Variants in SMIM10L3 observed in about 807,000 individuals in gnomAD.
SMIM10L3 encodes small integral membrane protein 10 like 3, also known as salivary gland specific protein SAGSIN1.
At chr7:6,333,903 G>A in the SMIM10L3 span, among the ~76,000 whole-genome samples, 1 of 140,252 alleles carries the variant, frequency 7.1e-6, no homozygotes, top group African/African-American at 2.7e-5. Flanking sequence ...CTGGAGTGCA[G>A]TGGCGCCATC....
chr7:6,341,028 C>T, the SMIM10L3 span, among the ~76,000 whole-genome samples: 1 of 150,222 alleles, frequency 6.7e-6, no homozygotes, highest in South Asian at 2.1e-4. Context: ...CCTACAGTCC[C>T]AGCTACTCGG....
At chr7:6,337,020 A>G in the SMIM10L3 span, among the ~76,000 whole-genome samples, 3 of 151,998 alleles carry the variant, frequency 2.0e-5, no homozygotes, top group African/African-American at 4.8e-5. Context: ...TTATCCTTAA[A>G]CGGAAGGATT....
the SMIM10L3 span, among the ~76,000 whole-genome samples, chr7:6,344,211 C>T: frequency 1.3e-5 from 2 of 151,448 alleles, no homozygotes; most frequent in Non-Finnish European, 2.9e-5. Flanking sequence ...TCCTGTTGTA[C>T]CTCCCTTTAC....
chr7:6,344,434 T>C, the SMIM10L3 span, among the ~76,000 whole-genome samples: 1 of 152,134 alleles, frequency 6.6e-6, no homozygotes, highest in African/African-American at 2.4e-5. Context: ...ACTTGTGTCT[T>C]TTTTTACAGA....
At chr7:6,341,981 A>T in the SMIM10L3 span, 1 of 151,908 alleles carries the variant, frequency 6.6e-6, no homozygotes, top group South Asian at 2.1e-4. Flanking sequence ...CTGGGCGACA[A>T]GAACAAGACT....
chr7:6,335,129 CT>C, the SMIM10L3 span, among the ~76,000 whole-genome samples: 1 of 152,004 alleles, frequency 6.6e-6, no homozygotes, highest in African/African-American at 2.4e-5. Context: ...GTGGTGCAAT[CT>C]TAGCTCACTG....
the SMIM10L3 span, among the ~76,000 whole-genome samples, chr7:6,334,427 T>C: frequency 5.9e-5 from 9 of 151,760 alleles, no homozygotes; most frequent in Admixed American, 5.9e-4. Context: ...TCCCTGCTAC[T>C]CGGGAGGGTG....
At chr7:6,348,512 T>A in the SMIM10L3 span, 13 of 411,672 alleles carry the variant, frequency 3.2e-5, no homozygotes, top group Non-Finnish European at 5.1e-5. Flanking sequence ...GGCGTCTGCA[T>A]CCCGCGGGCG....
chr7:6,346,808 G>C, the SMIM10L3 span, among the ~76,000 whole-genome samples: 12 of 152,246 alleles, frequency 7.9e-5, no homozygotes, highest in African/African-American at 2.6e-4. Context: ...TGGCCAAACC[G>C]ACGTTAGAAA....
At chr7:6,340,553 C>T in the SMIM10L3 span, among the ~76,000 whole-genome samples, 1 of 151,960 alleles carries the variant, frequency 6.6e-6, no homozygotes, top group Non-Finnish European at 1.5e-5. Flanking sequence ...CCCAACATTG[C>T]CAGGGAGGGA....
At chr7:6,343,361 G>C in the SMIM10L3 span, among the ~76,000 whole-genome samples, 1 of 143,692 alleles carries the variant, frequency 7.0e-6, no homozygotes, top group East Asian at 2.0e-4. Flanking sequence ...TGAGCCACAA[G>C]AGTGAAACTC....
At chr7:6,344,148 G>GAA in the SMIM10L3 span, among the ~76,000 whole-genome samples, 8 of 120,164 alleles carry the variant, frequency 6.7e-5, no homozygotes, top group East Asian at 4.7e-4. Context: ...TGAAGAACAA[G>GAA]AAAAAAAAAA....
the SMIM10L3 span, among the ~76,000 whole-genome samples, chr7:6,339,429 C>A: frequency 6.6e-6 from 1 of 152,100 alleles, no homozygotes; most frequent in African/African-American, 2.4e-5. Context: ...ATAGCAAGAC[C>A]CCATCTCCAT....
chr7:6,345,000 C>G, the SMIM10L3 span, among the ~76,000 whole-genome samples: 1 of 152,166 alleles, frequency 6.6e-6, no homozygotes, highest in African/African-American at 2.4e-5. Context: ...CTCAGCCTCT[C>G]AAAGTGCTGG....
chr7:6,330,527 G>A, the SMIM10L3 span: 9 of 1,614,154 alleles, frequency 5.6e-6, no homozygotes, highest in Middle Eastern at 1.6e-4. Context: ...AGGAAAATGC[G>A]TTTTGTCTCC....
chr7:6,337,527 T>C, the SMIM10L3 span, among the ~76,000 whole-genome samples: 4 of 151,954 alleles, frequency 2.6e-5, no homozygotes, highest in East Asian at 7.7e-4. Context: ...GATTTAGCAT[T>C]GTTCAGAAAG....
the SMIM10L3 span, chr7:6,330,474 G>C: frequency 6.2e-7 from 1 of 1,614,126 alleles, no homozygotes; most frequent in African/African-American, 1.3e-5. Flanking sequence ...GCATTTTCTT[G>C]AATTCTATTG....
chr7:6,343,029 G>A, the SMIM10L3 span, among the ~76,000 whole-genome samples: 2 of 132,506 alleles, frequency 1.5e-5, no homozygotes, highest in Non-Finnish European at 3.2e-5. Context: ...AGAGGAAGAC[G>A]CTTTCTCAAA....
the SMIM10L3 span, among the ~76,000 whole-genome samples, chr7:6,334,977 G>C: frequency 3.3e-5 from 5 of 151,854 alleles, no homozygotes; most frequent in East Asian, 9.7e-4. Flanking sequence ...ATGTTGGTCA[G>C]GCTGGTCTCA....
Sources: allele counts gnomAD v4.1 joint callset (sites outside exome capture counted in the v4.1 genomes callset), GRCh38; gene constraint gnomAD v4.1.1; transcripts MANE v1.5; gene names NCBI Gene and HGNC (gene_info 2026-07-23, HGNC 2026-07-21).